Variants in LMBRD1 observed in about 807,000 individuals in gnomAD.
LMBRD1 encodes LMBR1 domain containing 1, also known as lysosomal cobalamin transport escort protein LMBD1.
A neutral mutation model predicts 74.8 loss-of-function variants in LMBRD1; 64 were observed. That is an observed-to-expected ratio of 0.86 (90% confidence interval 0.70 to 1.05). The LOEUF is 1.05. LMBRD1 is among the 50% of genes least tolerant of loss of function. The pLI is 0.00. For synonymous variants in LMBRD1, 204 were observed against 216.3 expected (o/e 0.94, Z 0.50); for missense variants, 652 against 645.9 (o/e 1.01, Z -0.10).
At chr6:69,720,066 T>C (rs141987499) in intron 7 of LMBRD1, among the ~76,000 whole-genome samples, 21 of 152,346 alleles carry the variant, frequency 1.4e-4, no homozygotes, top group Non-Finnish European at 1.5e-4. Flanking sequence ...GTGTTAATTT[T>C]AATTAGTTTA....
Position 69,767,729 on chromosome 6 carries a change from TCTCAAC to T in LMBRD1, c.307+12759_307+12764del, listed in dbSNP as rs147717375. On this transcript the variant is annotated intron_variant, in intron 3 of 15. Transcript: ENST00000649934. ...TTCATCAGTATTGTTGTTTACATCT[TCTCAAC>T]CTTCACTGATTTTCTAACTGTTCTA... is the stretch of plus-strand genomic sequence containing the variant. 7.0e-3 allele frequency among the ~76,000 whole-genome samples: 1,066 copies of T among 152,042 alleles called. 21 individuals are homozygous for T. The East Asian group carries it at 0.078, about 11-fold the overall frequency.
rs764403634 is a variant in LMBRD1, at chr6:69,790,364, T to C, written c.178A>G (p.Thr60Ala). The C allele has an allele frequency of 1.5e-5, 25 of 1,613,690 alleles. No individual in the cohort carries two copies. In the East Asian group the frequency reaches 2.5e-4, roughly 16 times the overall value. Residue 60 changes from threonine (T) to alanine (A), a missense_variant, in exon 2 of 16, where the codon ACA (threonine) becomes GCA (alanine). Physicochemically the swap from Thr to Ala is moderately conservative, Grantham distance 58. Around this residue, in one of 3 missense-constraint regions of LMBRD1, gnomAD observed 598 missense variants for 581.8 expected, o/e 1.03. Transcript: ENST00000649934. ...AIFSLAIALI[T>A]SALLPVDIFL... ...ATATCCACTGGTAGAAGTGCTGATG[T>C]GATAAGTGCAATTGCTAGAGAAAAA...
chr6:69,749,527 T>C (rs1195698645), intron 4 of LMBRD1, 119 bp from the exon 5 acceptor site: 5 of 785,126 alleles, frequency 6.4e-6, no homozygotes, highest in African/African-American at 1.8e-5. Flanking sequence ...ATATTGAAAC[T>C]AAGGTTGAAA....
intron 2 of LMBRD1, among the ~76,000 whole-genome samples, chr6:69,788,353 T>C (rs546104211): frequency 2.0e-5 from 3 of 152,074 alleles, no homozygotes; most frequent in Non-Finnish European, 2.9e-5. Context: ...TATTTAAACT[T>C]AACAGCTTTC....
intron 14 of LMBRD1, among the ~76,000 whole-genome samples, chr6:69,690,247 C>T (rs1018573419): frequency 2.0e-5 from 3 of 152,040 alleles, no homozygotes; most frequent in African/African-American, 7.2e-5. Flanking sequence ...CCATCTATCC[C>T]TGACTAATCC....
chr6:69,713,843 A>G (rs1038965042), intron 8 of LMBRD1, 46 bp from the exon 9 acceptor site: 42 of 1,606,040 alleles, frequency 2.6e-5, no homozygotes, highest in Non-Finnish European at 3.4e-5. Context: ...TAACATCTTA[A>G]TAAAGTACCC....
At chr6:69,793,231 A>C (rs1766129252) in intron 1 of LMBRD1, among the ~76,000 whole-genome samples, 1 of 152,248 alleles carries the variant, frequency 6.6e-6, no homozygotes, top group Non-Finnish European at 1.5e-5. Flanking sequence ...TTCAAAATAA[A>C]TTGGTCTGAA....
intron 3 of LMBRD1, among the ~76,000 whole-genome samples, chr6:69,759,436 C>A (rs1765331859): frequency 6.6e-6 from 1 of 151,614 alleles, no homozygotes; most frequent in South Asian, 2.1e-4. Context: ...AAGAGAGCAG[C>A]AAATCAAATC....
intron 14 of LMBRD1, among the ~76,000 whole-genome samples, chr6:69,681,168 A>AT (rs892939599): frequency 3.3e-5 from 5 of 151,286 alleles, no homozygotes; most frequent in African/African-American, 1.2e-4. Context: ...GGCTCAGATA[A>AT]TTTTTTTTTC....
intron 3 of LMBRD1, among the ~76,000 whole-genome samples, chr6:69,764,808 T>C (rs1223749465): frequency 1.3e-5 from 2 of 152,190 alleles, no homozygotes; most frequent in East Asian, 3.8e-4. Context: ...AAGACAAAGA[T>C]TTAATATTGA....
At chr6:69,794,742 A>G (rs982418101) in intron 1 of LMBRD1, among the ~76,000 whole-genome samples, 1 of 152,256 alleles carries the variant, frequency 6.6e-6, no homozygotes, top group African/African-American at 2.4e-5. Flanking sequence ...GATCAGTTGT[A>G]ATTTAATGAA....
At chr6:69,787,322 G>A (rs918445230) in intron 2 of LMBRD1, among the ~76,000 whole-genome samples, 13 of 152,092 alleles carry the variant, frequency 8.5e-5, no homozygotes, top group African/African-American at 2.4e-4. Context: ...AATCCTCACC[G>A]AGCCGCCCAA....
chr6:69,774,540 C>T (rs1032705865), intron 3 of LMBRD1, among the ~76,000 whole-genome samples: 2 of 152,112 alleles, frequency 1.3e-5, no homozygotes, highest in African/African-American at 4.8e-5. Context: ...TGTTTTTTCT[C>T]ACTTCTTACT....
At chr6:69,774,991 G>GGAAGGAAGGT (rs1394719550) in intron 3 of LMBRD1, among the ~76,000 whole-genome samples, 1 of 42,628 alleles carries the variant, frequency 2.3e-5, no homozygotes, top group Non-Finnish European at 4.6e-5. Context: ...GGAAGGAAGG[G>GGAAGGAAGGT]AGGGAGGGAG....
Position 69,796,811 on chromosome 6 carries a change from A to G in LMBRD1, c.69+2T>C, listed in dbSNP as rs1026913794. 4 of 1,612,634 alleles carry G rather than the reference A, an allele frequency of 2.5e-6. No homozygotes were observed. The African/African-American group carries it at 5.4e-5, about 22-fold the overall frequency. ...GGGGAAAACTCCAAGCGCCTCCCCT[A>G]CCAGTAGTAAGAGGCCGAATATGCA... On this transcript the variant is annotated splice_donor_variant, in intron 1 of 15. Coordinates refer to ENST00000649934, the MANE Select transcript of LMBRD1 (RefSeq NM_018368.4). LOFTEE classifies it high-confidence loss of function.
intron 3 of LMBRD1, among the ~76,000 whole-genome samples, chr6:69,773,851 T>G (rs75877355): frequency 0.08 from 12,256 of 152,258 alleles, 653 homozygotes; most frequent in Admixed American, 0.15. Context: ...CTACGGTATG[T>G]TAATATAGTA....
intron 9 of LMBRD1, among the ~76,000 whole-genome samples, chr6:69,704,664 TGGTC>T (rs1480179375): frequency 8.5e-6 from 1 of 117,064 alleles, no homozygotes; most frequent in Non-Finnish European, 1.8e-5. Context: ...AGTTAGGTAG[TGGTC>T]TGTCTATTAA....
Position 69,734,457 on chromosome 6 carries a change from G to A in LMBRD1, c.636+3485C>T, listed in dbSNP as rs975970377. Among the ~76,000 whole-genome samples the A allele has an allele frequency of 4.0e-5, 6 of 151,352 alleles. No homozygotes were observed. The South Asian group carries it at 6.3e-4, about 16-fold the overall frequency. ...GTCTCCCAGGCTGGAGTGAAATGGCGCAATCTCGGCTCACTGCAACCTCTG... is the reference window on the plus strand; with the variant it reads ...GTCTCCCAGGCTGGAGTGAAATGGCACAATCTCGGCTCACTGCAACCTCTG... On this transcript the variant is annotated intron_variant, in intron 7 of 15. Transcript: ENST00000649934.
intron 9 of LMBRD1, among the ~76,000 whole-genome samples, chr6:69,702,969 T>A (rs983567186): frequency 6.6e-6 from 1 of 152,048 alleles, no homozygotes; most frequent in Non-Finnish European, 1.5e-5. Flanking sequence ...TTGGAAGTAA[T>A]TTTGGACCTG....
Sources: gnomAD v4.1 joint callset for allele counts (sites outside exome capture counted in the v4.1 genomes callset) on GRCh38, gnomAD v4.1.1 for gene constraint, gnomAD v4.1.1 regional missense constraint, MANE v1.5 for transcripts, NCBI Gene and HGNC (gene_info 2026-07-23, HGNC 2026-07-21) for gene names.